Variants in CRADD observed in about 807,000 individuals in gnomAD.
The protein encoded by CRADD is CARD and death domain containing adaptor protein.
In CRADD, 9 loss-of-function variants were observed where a neutral mutation model predicts 15.5. That is an observed-to-expected ratio of 0.58 (90% CI 0.35 to 1.01). The LOEUF (loss-of-function observed/expected upper bound fraction) is 1.01. Among genes scored for constraint, CRADD ranks in the 50% least tolerant of loss-of-function variants. The pLI, the probability that CRADD is intolerant of heterozygous loss-of-function variation, is 0.02. For missense variants in CRADD, 227 were observed against 250.3 expected (o/e 0.91, Z 0.63); for synonymous variants, 118 against 107.6 (o/e 1.10, Z -0.60).
intron 2 of CRADD, among the ~76,000 whole-genome samples, chr12:93,860,611 C>T (rs745409704): frequency 2.6e-5 from 4 of 152,186 alleles, no homozygotes; most frequent in East Asian, 1.9e-4. Flanking sequence ...AGTAAAAACC[C>T]GAGGGAGGGA....
chr12:93,697,565 G>A (rs142064376), intron 2 of CRADD, among the ~76,000 whole-genome samples: 208 of 152,074 alleles, frequency 1.4e-3, no homozygotes, highest in African/African-American at 3.8e-3. Context: ...CACGATAAAC[G>A]TGTACAATTT....
intron 2 of CRADD, among the ~76,000 whole-genome samples, chr12:93,775,111 G>C (rs970690025): frequency 6.6e-6 from 1 of 152,174 alleles, no homozygotes; most frequent in African/African-American, 2.4e-5. Context: ...GATGATCAAT[G>C]CTCCTGTGAG....
intron 2 of CRADD, among the ~76,000 whole-genome samples, chr12:93,680,945 C>T (rs572240605): frequency 4.0e-5 from 6 of 151,638 alleles, no homozygotes; most frequent in South Asian, 2.1e-4. Context: ...AGTGCAATGG[C>T]GCGATCTCGG....
chr12:93,882,398 G>T (rs1356426783), intron 2 of CRADD, among the ~76,000 whole-genome samples: 6 of 146,490 alleles, frequency 4.1e-5, no homozygotes, highest in African/African-American at 1.5e-4. Context: ...TCCAGCCAGG[G>T]CGACAGAGCG....
intron 2 of CRADD, among the ~76,000 whole-genome samples, chr12:93,878,777 C>G (rs1298186637): frequency 6.6e-6 from 1 of 152,168 alleles, no homozygotes; most frequent in Admixed American, 6.6e-5. Flanking sequence ...TGACAGCACA[C>G]TGGGGAAGGG....
At chr12:93,762,722 A>T (rs552091548) in intron 2 of CRADD, among the ~76,000 whole-genome samples, 1 of 151,046 alleles carries the variant, frequency 6.6e-6, no homozygotes, top group South Asian at 2.1e-4. Flanking sequence ...CAGTGCTATG[A>T]CTCCTTTCCT....
chr12:93,848,272 G>A (rs989595161), intron 2 of CRADD, among the ~76,000 whole-genome samples: 1 of 151,910 alleles, frequency 6.6e-6, no homozygotes, highest in Non-Finnish European at 1.5e-5. Context: ...TTTTTAAATT[G>A]TAGTGTTGAC....
chr12:93,705,989 T>G (rs1955942208), intron 2 of CRADD, among the ~76,000 whole-genome samples: 1 of 152,208 alleles, frequency 6.6e-6, no homozygotes, highest in Non-Finnish European at 1.5e-5. Context: ...ATGGTTATTT[T>G]TTTCATTAAA....
intron 2 of CRADD, among the ~76,000 whole-genome samples, chr12:93,801,547 C>T (rs1247929670): frequency 6.6e-6 from 1 of 151,990 alleles, no homozygotes; most frequent in Non-Finnish European, 1.5e-5. Context: ...TACAAGCACC[C>T]GCCACTATGC....
intron 2 of CRADD, among the ~76,000 whole-genome samples, chr12:93,841,332 C>T (rs750752312): frequency 6.6e-6 from 1 of 152,160 alleles, no homozygotes; most frequent in African/African-American, 2.4e-5. Flanking sequence ...ACTGTAGTAT[C>T]CTCATAAAAT....
chr12:93,857,973 A>G (rs1159817667), intron 2 of CRADD, among the ~76,000 whole-genome samples: 2 of 152,202 alleles, frequency 1.3e-5, no homozygotes, highest in Non-Finnish European at 2.9e-5. Context: ...TTGTCCAACC[A>G]TCTGCTTGAA....
intron 2 of CRADD, among the ~76,000 whole-genome samples, chr12:93,717,740 CAA>C (rs1291436998): frequency 6.6e-6 from 1 of 152,128 alleles, no homozygotes; most frequent in Non-Finnish European, 1.5e-5. Flanking sequence ...AGGCAGGTCT[CAA>C]ACTCCTGACC....
chr12:93,806,277 C>A (rs1487453553), intron 2 of CRADD, among the ~76,000 whole-genome samples: 2 of 151,566 alleles, frequency 1.3e-5, no homozygotes, highest in Non-Finnish European at 2.9e-5. Flanking sequence ...TATGGTGAAA[C>A]CTGTCTGTAC....
At chr12:93,867,404 T>TATATATATATATATATATA (rs1491540248) in intron 2 of CRADD, among the ~76,000 whole-genome samples, 5 of 127,322 alleles carry the variant, frequency 3.9e-5, no homozygotes, top group Admixed American at 8.4e-5. Flanking sequence ...TATATATATA[T>TATATATATATATATATATA]TTTTTAAACT....
rs1592870753 is a variant in CRADD, at chr12:93,678,985, A to G, written c.211A>G (p.Thr71Ala). The G allele has an allele frequency of 1.9e-6, 3 of 1,614,090 alleles. No individual in the cohort carries two copies. The highest frequency in any genetic ancestry group is 1.7e-6 in the Non-Finnish European group (2 of 1,179,924). ...TTCCAGGGGCCCTAAAGCATTTGAT[A>G]CATTCCTAGATTCCCTACAGGAGTT... is the stretch of plus-strand genomic sequence containing the variant. ...LPSRGPKAFD[T>A]FLDSLQEFPW... The change falls in exon 2 of 3, where the codon ACA (threonine) becomes GCA (alanine). Residue 71 changes from threonine to alanine, a missense_variant. By Grantham distance (58) the Thr-to-Ala change is moderately conservative (BLOSUM62 0). Transcript: ENST00000332896.
At chr12:93,882,915 T>C (rs1232631089) in intron 2 of CRADD, among the ~76,000 whole-genome samples, 4 of 152,314 alleles carry the variant, frequency 2.6e-5, no homozygotes, top group South Asian at 4.1e-4. Context: ...TTCCTTTCCA[T>C]TCTGTGATTC....
intron 2 of CRADD, among the ~76,000 whole-genome samples, chr12:93,749,818 A>G (rs1956810210): frequency 6.6e-6 from 1 of 152,060 alleles, no homozygotes; most frequent in African/African-American, 2.4e-5. Context: ...CAGATTTGTG[A>G]TAGACTCTTT....
chr12:93,839,467 T>C (rs1342102712), intron 2 of CRADD, among the ~76,000 whole-genome samples: 1 of 152,212 alleles, frequency 6.6e-6, no homozygotes, highest in African/African-American at 2.4e-5. Flanking sequence ...GAACTTTTCT[T>C]GGGTACGTCT....
chr12:93,697,722 T>C (rs1408705276), intron 2 of CRADD, among the ~76,000 whole-genome samples: 1 of 152,190 alleles, frequency 6.6e-6, no homozygotes, highest in Non-Finnish European at 1.5e-5. Context: ...GGTTCATGAC[T>C]GAGGCCCTTA....
Sources: allele counts gnomAD v4.1 joint callset (sites outside exome capture counted in the v4.1 genomes callset), GRCh38; gene constraint gnomAD v4.1.1; transcripts MANE v1.5; gene names NCBI Gene and HGNC (gene_info 2026-07-23, HGNC 2026-07-21).